Variants in DNAH2 observed in about 807,000 individuals in gnomAD.
The protein encoded by DNAH2 is axonemal beta dynein heavy chain 2.
A neutral mutation model predicts 523.5 loss-of-function variants in DNAH2; 323 were observed. The observed-to-expected ratio is 0.62, with a 90% CI of 0.56 to 0.68. DNAH2 has a LOEUF of 0.68. DNAH2 is among the 30% of genes least tolerant of loss of function. The pLI is 0.00. For missense variants in DNAH2, 4,907 were observed against 5,701.5 expected (o/e 0.86, Z 4.49); for synonymous variants, 2,093 against 2,177.4 (o/e 0.96, Z 1.08).
intron 58 of DNAH2, 136 bp from the exon 59 acceptor site, chr17:7,804,120 C>G: frequency 1.2e-6 from 1 of 843,128 alleles, no homozygotes; most frequent in South Asian, 1.7e-5. Flanking sequence ...AGAATCCCGA[C>G]CAGGATGGTG....
intron 85 of DNAH2, 29 bp downstream of exon 85, chr17:7,833,250 C>CT (rs1371015510): frequency 6.2e-7 from 1 of 1,606,562 alleles, no homozygotes. Context: ...CAGGACCTGC[C>CT]TGCCCCGTCC....
At chr17:7,721,004 C>CTTTTTTTTTTT (rs71159523) in intron 2 of DNAH2, among the ~76,000 whole-genome samples, 6 of 109,730 alleles carry the variant, frequency 5.5e-5, no homozygotes, top group Non-Finnish European at 7.4e-5. Context: ...TTCTTTCTTT[C>CTTTTTTTTTTT]TTTTTTTTTT....
Position 7,734,600 on chromosome 17 carries a change from C to A in DNAH2, c.870C>A (p.Gly290=). The change falls in exon 7 of 86, where the codon GGC becomes GGA. Residue 290 remains glycine (G), a synonymous_variant. Coordinates refer to ENST00000572933, the MANE Select transcript of DNAH2 (RefSeq NM_020877.5). Reference sequence around the variant, plus strand: ...GCAACCGATGCATGGACCTGTCTGGCATCAGTAAGCAGCTGGTGAAGAAGG... The same window carrying A: ...GCAACCGATGCATGGACCTGTCTGGAATCAGTAAGCAGCTGGTGAAGAAGG... ...FWRNRCMDLS[G]ISKQLVKKGV... 6.2e-7 allele frequency: 1 copy of A among 1,613,572 alleles called. No individual in the cohort carries two copies. Among genetic ancestry groups the A allele is most frequent in the South Asian group, 1.1e-5 (1 of 91,008 alleles).
In DNAH2 at chr17:7,796,471, A is replaced by T. The variant is rs1175199234; in HGVS notation, c.7682A>T (p.Gln2561Leu). The T allele has an allele frequency of 6.2e-7, 1 of 1,613,830 alleles. No individual in the cohort carries two copies. Among genetic ancestry groups the T allele is most frequent in the Admixed American group, 1.7e-5 (1 of 59,980 alleles). ...IINMTFPTKS[Q>L]IIRIFGTMIN... is the part of the protein sequence containing the mutation. ...GCCAGGGTCTGTTTCTAGAAGTCCC[A>T]GATCATCCGCATATTCGGCACCATG... Residue 2561 changes from glutamine to leucine, a missense_variant, in exon 50 of 86, where the codon CAG becomes CTG. Gln to Leu is a moderately radical substitution (Grantham distance 113). Transcript: ENST00000572933.
intron 44 of DNAH2, among the ~76,000 whole-genome samples, chr17:7,789,161 G>C (rs2076827210): frequency 7.8e-6 from 1 of 128,726 alleles, no homozygotes; most frequent in South Asian, 2.7e-4. Context: ...GCAAGACTCT[G>C]TCTCAAAAAA....
rs1353954964 is a variant in DNAH2 at position 7,740,569 on chromosome 17, TC to T, written c.1506+22del. 1 of 1,610,960 alleles carries T rather than the reference TC, an allele frequency of 6.2e-7. No homozygotes were observed. Among genetic ancestry groups the T allele is most frequent in the Non-Finnish European group, 8.5e-7 (1 of 1,179,604 alleles). On this transcript the variant is annotated intron_variant, in intron 10 of 85. Coordinates refer to ENST00000572933, the MANE Select transcript of DNAH2 (RefSeq NM_020877.5). ...CGCGAGGTGCGGCTGCCCCGCGGCT[TC>T]CTCGGCTTCCCGTCCCGCGTGCTTT... is the stretch of plus-strand genomic sequence containing the variant.
chr17:7,750,855 A>T (rs2075662161), intron 12 of DNAH2, among the ~76,000 whole-genome samples: 1 of 152,118 alleles, frequency 6.6e-6, no homozygotes, highest in African/African-American at 2.4e-5. Flanking sequence ...TTCTTGGAGG[A>T]TTCTTCTCCA....
chr17:7,749,461 A>T (rs2075624659), intron 12 of DNAH2, among the ~76,000 whole-genome samples: 1 of 151,984 alleles, frequency 6.6e-6, no homozygotes, highest in Non-Finnish European at 1.5e-5. Flanking sequence ...CAACAGTGAC[A>T]AATCCAAGAC....
intron 12 of DNAH2, among the ~76,000 whole-genome samples, chr17:7,751,381 C>G (rs759100326): frequency 5.3e-5 from 8 of 152,134 alleles, no homozygotes; most frequent in Non-Finnish European, 1.0e-4. Flanking sequence ...GCATGAGCCA[C>G]CACACCAGGC....
intron 85 of DNAH2, 73 bp from the exon 86 acceptor site, chr17:7,833,306 C>A (rs2078245586): frequency 6.2e-7 from 1 of 1,607,306 alleles, no homozygotes; most frequent in Non-Finnish European, 8.5e-7. Flanking sequence ...CATCCCACAC[C>A]CGCTCCTGCC....
At position 7,764,104 on chromosome 17, in the gene DNAH2, T is replaced by C; in HGVS notation, c.3180-13T>C. ...GCCTTCCACTCACTAGCACTCCCTT[T>C]GCCCGCCTTCAGAATCAGCCGCCCT... On this transcript the variant is annotated splice_polypyrimidine_tract_variant and intron_variant, in intron 19 of 85. Coordinates refer to ENST00000572933, the MANE Select transcript of DNAH2 (RefSeq NM_020877.5). 6.2e-7 allele frequency: 1 copy of C among 1,614,204 alleles called. No homozygotes were observed. The highest frequency in any genetic ancestry group is 8.5e-7 in the Non-Finnish European group (1 of 1,180,042).
chr17:7,759,970 A>G (rs776045987), intron 17 of DNAH2, 32 bp downstream of exon 17: 2 of 1,613,758 alleles, frequency 1.2e-6, no homozygotes, highest in East Asian at 2.2e-5. Flanking sequence ...CACAAGGCAC[A>G]GGGTTTCAGA....
chr17:7,810,952 T>A (rs1274523901), intron 63 of DNAH2, among the ~76,000 whole-genome samples: 1 of 152,206 alleles, frequency 6.6e-6, no homozygotes, highest in Non-Finnish European at 1.5e-5. Flanking sequence ...AGTTCTGATA[T>A]ACAACAAGGG....
At chr17:7,827,782 G>A (rs904021609) in intron 77 of DNAH2, among the ~76,000 whole-genome samples, 11 of 151,700 alleles carry the variant, frequency 7.3e-5, no homozygotes, top group African/African-American at 2.7e-4. Flanking sequence ...AATTCTCCCA[G>A]TACCACTTCT....
chr17:7,826,107 C>T (rs770648441), intron 77 of DNAH2, among the ~76,000 whole-genome samples: 12 of 152,198 alleles, frequency 7.9e-5, no homozygotes, highest in Admixed American at 3.9e-4. Context: ...CTGGGCTCCG[C>T]CTCCCAGGTT....
At chr17:7,747,222 C>A (rs1318662934) in intron 12 of DNAH2, among the ~76,000 whole-genome samples, 1 of 151,722 alleles carries the variant, frequency 6.6e-6, no homozygotes, top group Non-Finnish European at 1.5e-5. Context: ...CTCAAGTGAT[C>A]CTCCCACCTT....
rs763335051 is a variant in DNAH2 at position 7,759,554 on chromosome 17, C to G, written c.2581C>G (p.Pro861Ala). ...CGGGGATGGAAAGACCAGCCCAAACCCACTCTTCCAAGTCCTTGTCATTTT... is the reference window on the plus strand; with the variant it reads ...CGGGGATGGAAAGACCAGCCCAAACGCACTCTTCCAAGTCCTTGTCATTTT... The part of the protein sequence containing the change: ...INGDGKTSPN[P>A]LFQVLVILKN... The change falls in exon 16 of 86, where the codon CCA becomes GCA. Residue 861 changes from proline to alanine, a missense_variant. This residue lies in a region of DNAH2 where 2,806 missense variants were observed against 3,190.8 expected (regional missense o/e 0.88). Transcript: ENST00000572933. The G allele has an allele frequency of 6.2e-7, 1 of 1,614,174 alleles. No individual in the cohort carries two copies. Among genetic ancestry groups the G allele is most frequent in the Non-Finnish European group, 8.5e-7 (1 of 1,180,038 alleles).
chr17:7,807,044 T>C lies in DNAH2; in HGVS notation c.9443-106T>C, dbSNP rs1597725254. On this transcript the variant is annotated intron_variant, in intron 61 of 85. Transcript: ENST00000572933. This position sits in a 1 kb window ranked among gnomAD's most constrained non-coding sequence, Gnocchi z 5.6. ...GGTCAGATAATTTGGCCTTAGGAAC[T>C]GAGCCCAGGAAAAATGTGGCTATGC... 6 of 1,406,294 alleles carry C rather than the reference T, an allele frequency of 4.3e-6. No homozygotes were observed. The East Asian group carries it at 1.1e-4, about 27-fold the overall frequency. 87.1% of individuals were successfully genotyped at this position (1,406,294 alleles called of 1,614,324 possible). A position where few individuals can be genotyped will look rare whatever the true frequency, so the allele number is the denominator to read the frequency against.
chr17:7,829,419 C>G (rs2078107520), intron 77 of DNAH2, among the ~76,000 whole-genome samples: 1 of 152,152 alleles, frequency 6.6e-6, no homozygotes, highest in Non-Finnish European at 1.5e-5. Context: ...TTTATTCTGT[C>G]CTCGGTGCCT....
Sources: gnomAD v4.1 joint callset for allele counts (sites outside exome capture counted in the v4.1 genomes callset) on GRCh38, gnomAD v4.1.1 for gene constraint, gnomAD v4.1.1 regional missense constraint, Gnocchi (gnomAD v3.1) non-coding constraint, MANE v1.5 for transcripts, NCBI Gene and HGNC (gene_info 2026-07-23, HGNC 2026-07-21) for gene names.